Variants in CYB5B observed in about 807,000 individuals in gnomAD.
CYB5B encodes the protein cytochrome b5 type B (outer mitochondrial membrane).
Under a neutral mutation model 21.3 loss-of-function variants are expected in CYB5B, and 14 were observed. The observed-to-expected ratio is 0.66, with a 90% confidence interval of 0.43 to 1.03. The LOEUF is 1.03. CYB5B is among the 50% of genes least tolerant of loss of function. The pLI is 0.00. For missense variants in CYB5B, 166 were observed against 185.1 expected, an observed-to-expected ratio of 0.90 and a Z score of 0.60; for synonymous variants, 69 against 68.4, an observed-to-expected ratio of 1.01 and a Z score of -0.04.
intron 1 of CYB5B, among the ~76,000 whole-genome samples, chr16:69,427,763 AGGT>A (rs1444145963): frequency 6.6e-6 from 1 of 151,918 alleles, no homozygotes; most frequent in Admixed American, 6.6e-5. Flanking sequence ...TGCGAGGCGA[AGGT>A]GGGCAGATCA....
At chr16:69,433,158 G>T (rs533169963) in intron 1 of CYB5B, among the ~76,000 whole-genome samples, 7 of 152,318 alleles carry the variant, frequency 4.6e-5, no homozygotes, top group African/African-American at 1.7e-4. Flanking sequence ...TGGCTGCAGA[G>T]TATGGAATTA....
At chr16:69,428,610 T>G (rs925515535) in intron 1 of CYB5B, among the ~76,000 whole-genome samples, 6 of 151,828 alleles carry the variant, frequency 4.0e-5, no homozygotes, top group African/African-American at 1.5e-4. Flanking sequence ...GATCCAAGAT[T>G]GTGGCACTGA....
At chr16:69,436,357 C>T (rs193083861) in intron 1 of CYB5B, among the ~76,000 whole-genome samples, 282 of 152,302 alleles carry the variant, frequency 1.9e-3, no homozygotes, top group African/African-American at 5.9e-3. Flanking sequence ...AGTGGGACCC[C>T]GTCTGGGGGG....
chr16:69,447,261 A>C lies in CYB5B; in HGVS notation c.286A>C (p.Ile96Leu). Residue 96 changes from isoleucine to leucine, a missense_variant, in exon 2 of 5, where the codon ATT becomes CTT. Ile to Leu is a conservative substitution (Grantham distance 5). Coordinates refer to ENST00000307892, the MANE Select transcript of CYB5B (RefSeq NM_030579.3). ...CAGAGAAATGCTAAAGCAGTACTAC[A>C]TTGGTGATATCCATCCGGTAAGAAC... ...DAREMLKQYY[I>L]GDIHPSDLKP... 1.2e-6 allele frequency: 2 copies of C among 1,613,942 alleles called. No individual in the cohort carries two copies. The highest frequency in any genetic ancestry group is 1.7e-6 in the Non-Finnish European group (2 of 1,179,988).
At chr16:69,445,572 TTAAG>T (rs1205258576) in intron 1 of CYB5B, among the ~76,000 whole-genome samples, 2 of 152,230 alleles carry the variant, frequency 1.3e-5, no homozygotes, top group Admixed American at 1.3e-4. Context: ...ATTTGCTAAT[TTAAG>T]TAAATGTTTT....
Position 69,464,580 on chromosome 16 carries a change from G to T in CYB5B, c.*2060G>T, listed in dbSNP as rs190324371. ...CATTCAAACTAAAGCCAAGCCTGAA[G>T]ATAACTTGAATCAGTTGTAAAAGTG... On this transcript the variant is annotated 3_prime_UTR_variant, in exon 5 of 5. Transcript: ENST00000307892. 1.4e-4 allele frequency: 21 copies of T among 152,462 alleles called. No individual in the cohort carries two copies. Among genetic ancestry groups the T allele is most frequent in the African/African-American group, 4.8e-4 (20 of 41,576 alleles). The allele number at this position is 152,462 out of a possible 1,614,324, so 9.4% of individuals were successfully genotyped here. A position where few individuals can be genotyped will look rare whatever the true frequency, so the allele number is the denominator to read the frequency against.
intron 1 of CYB5B, among the ~76,000 whole-genome samples, chr16:69,435,838 C>T (rs1009782686): frequency 3.3e-5 from 5 of 152,030 alleles, no homozygotes; most frequent in Admixed American, 6.6e-5. Flanking sequence ...AGGGTTTCCC[C>T]ATGTTGGTCA....
rs1400516363 is a variant in CYB5B, at chr16:69,465,604, A to G, written c.*3084A>G. On this transcript the variant is annotated 3_prime_UTR_variant, in exon 5 of 5. Coordinates refer to ENST00000307892, the MANE Select transcript of CYB5B (RefSeq NM_030579.3). ...TCAGAACACTGTCGAGTTTATACTC[A>G]TTTAGCTGCAATGTGGGACAATGAA... 1 of 152,248 alleles carries G rather than the reference A, an allele frequency of 6.6e-6. No individual in the cohort carries two copies. The highest frequency in any genetic ancestry group is 2.4e-5 in the African/African-American group (1 of 41,472). The allele number at this position is 152,248 out of a possible 1,614,324, so 9.4% of individuals were successfully genotyped here. A position where few individuals can be genotyped will look rare whatever the true frequency, so the allele number is the denominator to read the frequency against.
At chr16:69,432,011 A>G (rs756273411) in intron 1 of CYB5B, among the ~76,000 whole-genome samples, 1 of 152,222 alleles carries the variant, frequency 6.6e-6, no homozygotes, top group Non-Finnish European at 1.5e-5. Flanking sequence ...TGGAAAGAAT[A>G]CAGAAAAGAG....
chr16:69,444,225 A>C (rs1567472795), intron 1 of CYB5B: 1 of 154,374 alleles, frequency 6.5e-6, no homozygotes, highest in Admixed American at 6.5e-5. Context: ...ATCTGAGAAG[A>C]AGCAGATGAT....
At position 69,462,785 on chromosome 16, in the gene CYB5B, A is replaced by G. The variant is rs1383338417; in HGVS notation, c.*265A>G. ...TTCACTGGTTTCCATGAGTACCCTT[A>G]TATTTCACAACTTTCTGTTCATAAG... On this transcript the variant is annotated 3_prime_UTR_variant, in exon 5 of 5. Transcript: ENST00000307892. 1.3e-5 allele frequency: 5 copies of G among 387,652 alleles called. No homozygotes were observed. The highest frequency in any genetic ancestry group is 2.4e-5 in the Non-Finnish European group (5 of 208,742). The allele number at this position is 387,652 out of a possible 1,614,324, so 24.0% of individuals were successfully genotyped here.
At position 69,424,793 on chromosome 16, in the gene CYB5B, C is replaced by T. The variant is rs764478641; in HGVS notation, c.110C>T (p.Ser37Phe). The T allele has an allele frequency of 1.2e-6, 2 of 1,609,028 alleles. No homozygotes were observed. Among genetic ancestry groups the T allele is most frequent in the Non-Finnish European group, 1.7e-6 (2 of 1,177,560 alleles). ...YRLEEVAKRN[S>F]LKELWLVIHG... Reference sequence around the variant, plus strand: ...TTGGAGGAGGTGGCAAAGCGCAACTCCTTGAAGGAACTGTGGCTTGTGATC... The same window carrying T: ...TTGGAGGAGGTGGCAAAGCGCAACTTCTTGAAGGAACTGTGGCTTGTGATC... Residue 37 changes from serine to phenylalanine, a missense_variant, in exon 1 of 5, where the codon TCC becomes TTC. Physicochemically the swap from Ser to Phe is radical, Grantham distance 155. Transcript: ENST00000307892.
intron 4 of CYB5B, 31 bp from the exon 5 acceptor site, chr16:69,462,399 C>T (rs1408928459): frequency 6.5e-7 from 1 of 1,533,380 alleles, no homozygotes; most frequent in Admixed American, 1.7e-5. Context: ...AAAATATTAA[C>T]AACTTTATTG....
chr16:69,442,614 T>C (rs1297645148), intron 1 of CYB5B, among the ~76,000 whole-genome samples: 3 of 151,866 alleles, frequency 2.0e-5, no homozygotes, highest in Non-Finnish European at 4.4e-5. Context: ...CCTTGGCTTC[T>C]GGATGATCCT....
At chr16:69,455,506 C>G (rs1023871203) in intron 3 of CYB5B, among the ~76,000 whole-genome samples, 10 of 150,134 alleles carry the variant, frequency 6.7e-5, no homozygotes, top group African/African-American at 2.5e-4. Context: ...CTCCCGGGTT[C>G]AAGCGATTCT....
chr16:69,458,322 C>A (rs1471592117), intron 3 of CYB5B, among the ~76,000 whole-genome samples: 1 of 152,112 alleles, frequency 6.6e-6, no homozygotes, highest in African/African-American at 2.4e-5. Context: ...TCACACCAGC[C>A]CTAGGCAACC....
chr16:69,430,476 T>A (rs1353548679), intron 1 of CYB5B, among the ~76,000 whole-genome samples: 1 of 152,090 alleles, frequency 6.6e-6, no homozygotes, highest in Non-Finnish European at 1.5e-5. Flanking sequence ...CGCCTTGGCC[T>A]CCCAAAATGT....
chr16:69,443,739 C>CA (rs1221826984), intron 1 of CYB5B: 7 of 152,788 alleles, frequency 4.6e-5, no homozygotes, highest in African/African-American at 1.7e-4. Context: ...CCTGTAGTCC[C>CA]AGCTACCTGG....
intron 3 of CYB5B, among the ~76,000 whole-genome samples, chr16:69,456,949 G>A (rs1415392240): frequency 3.3e-5 from 5 of 152,080 alleles, no homozygotes; most frequent in Admixed American, 2.0e-4. Flanking sequence ...TTAAAAGTGG[G>A]GTCACTATGG....
Sources: allele counts gnomAD v4.1 joint callset (sites outside exome capture counted in the v4.1 genomes callset), GRCh38; gene constraint gnomAD v4.1.1; transcripts MANE v1.5; gene names NCBI Gene and HGNC (gene_info 2026-07-23, HGNC 2026-07-21).